Variants in SUMF1 observed in about 807,000 individuals in gnomAD.
SUMF1 encodes sulfatase modifying factor 1.
SUMF1 carries 48 observed loss-of-function variants against 47.6 expected under a neutral mutation model. The ratio of observed to expected loss-of-function variants is 1.01; its 90% CI spans 0.80 to 1.28. The LOEUF (loss-of-function observed/expected upper bound fraction) is 1.28, where lower values mean the gene tolerates loss of function less well. Among genes scored for constraint, SUMF1 ranks in the 50% most tolerant of loss-of-function variants. SUMF1 has a pLI of 0.00. For missense variants in SUMF1, 571 were observed against 485.4 expected, an observed-to-expected ratio of 1.18 and a Z score of -1.66; for synonymous variants, 230 against 192.1, an observed-to-expected ratio of 1.20 and a Z score of -1.63.
At chr3:4,247,089 A>C (rs1696687650) in intron 8 of SUMF1, among the ~76,000 whole-genome samples, 1 of 152,140 alleles carries the variant, frequency 6.6e-6, no homozygotes. Context: ...GATTCTCTGG[A>C]AATATTAAAA....
At chr3:4,240,523 T>C (rs1696513118) in intron 8 of SUMF1, among the ~76,000 whole-genome samples, 1 of 152,038 alleles carries the variant, frequency 6.6e-6, no homozygotes, top group East Asian at 1.9e-4. Context: ...TTTTAGATGA[T>C]TTTTTAAAAT....
Position 4,316,646 on chromosome 3 carries a change from C to T in SUMF1, c.1014+59684G>A, listed in dbSNP as rs568390003. 9.5e-5 allele frequency: 147 copies of T among 1,551,250 alleles called. 1 individual carries two copies. The Middle Eastern group carries it at 1.3e-3, about 14-fold the overall frequency. On this transcript the variant is annotated intron_variant and NMD_transcript_variant, in intron 8 of 12. Transcript: ENST00000448413. ...CTTCTCTTATTCTACGCAACCACAA[C>T]GAACCATTTCTCGATCGGATTGTGA...
intron 8 of SUMF1, among the ~76,000 whole-genome samples, chr3:4,345,973 G>C (rs898319246): frequency 2.0e-5 from 3 of 152,168 alleles, no homozygotes; most frequent in Non-Finnish European, 4.4e-5. Flanking sequence ...AACAAGAAGA[G>C]CTAACTATCC....
chr3:4,371,189 GC>G (rs1437062213), intron 8 of SUMF1, among the ~76,000 whole-genome samples: 1 of 151,996 alleles, frequency 6.6e-6, no homozygotes, highest in African/African-American at 2.4e-5. Flanking sequence ...TTTATTTTTA[GC>G]AGCAAAAGTG....
chr3:4,144,049 G>A (rs1220208626), intron 8 of SUMF1, among the ~76,000 whole-genome samples: 1 of 147,576 alleles, frequency 6.8e-6, no homozygotes, highest in Non-Finnish European at 1.5e-5. Flanking sequence ...GGAGTGTAGT[G>A]GCCCGATCTC....
chr3:4,463,786 A>T (rs2079871696), intron 1 of SUMF1, among the ~76,000 whole-genome samples: 1 of 152,196 alleles, frequency 6.6e-6, no homozygotes, highest in South Asian at 2.1e-4. Flanking sequence ...CTTTCAAATA[A>T]CTCTTCTAAA....
rs565115044 is a variant in SUMF1, at chr3:4,292,151, T to C, written c.1014+84179A>G. Among the ~76,000 whole-genome samples, 3 of 152,366 alleles carry C rather than the reference T, an allele frequency of 2.0e-5. No homozygotes were observed. The East Asian group carries it at 5.8e-4, about 29-fold the overall frequency. ...TAAAATTTTCCTTATTTATCAATTATTAATTAGCACAGTTTTTTAATGCAG... is the reference window on the plus strand; with the variant it reads ...TAAAATTTTCCTTATTTATCAATTACTAATTAGCACAGTTTTTTAATGCAG... On this transcript the variant is annotated intron_variant and NMD_transcript_variant, in intron 8 of 12. Coordinates refer to the SUMF1 transcript ENST00000448413.
intron 8 of SUMF1, among the ~76,000 whole-genome samples, chr3:4,249,234 C>G (rs1056411704): frequency 3.3e-5 from 5 of 152,200 alleles, no homozygotes; most frequent in African/African-American, 1.2e-4. Flanking sequence ...ACTATGCATT[C>G]TACTGAGTGC....
At chr3:4,098,820 G>C (rs1009296506) in intron 8 of SUMF1, among the ~76,000 whole-genome samples, 6 of 152,120 alleles carry the variant, frequency 3.9e-5, no homozygotes, top group African/African-American at 1.4e-4. Context: ...GAAAACCATA[G>C]AGTTAACTTA....
In SUMF1 at chr3:4,167,668, C is replaced by T. The variant is rs774452970; in HGVS notation, c.1015-98923G>A. Among the ~76,000 whole-genome samples the T allele has an allele frequency of 1.1e-3, 172 of 152,152 alleles. 2 individuals carry two copies. The highest frequency in any genetic ancestry group is 4.0e-3 in the African/African-American group (164 of 41,410). ...AAGTCCCCACTCGACCCAGGAAGTC[C>T]GGCTGGCTCTTCACCTATCAGTAGC... On this transcript the variant is annotated intron_variant and NMD_transcript_variant, in intron 8 of 12. Coordinates refer to the SUMF1 transcript ENST00000448413.
chr3:4,408,462 A>G (rs766590338), intron 7 of SUMF1, among the ~76,000 whole-genome samples: 2 of 152,026 alleles, frequency 1.3e-5, no homozygotes, highest in Non-Finnish European at 2.9e-5. Flanking sequence ...TTTAAAAAAG[A>G]AAAAAAAGAT....
At chr3:4,210,674 G>A (rs929078948) in intron 8 of SUMF1, among the ~76,000 whole-genome samples, 1 of 152,108 alleles carries the variant, frequency 6.6e-6, no homozygotes, top group African/African-American at 2.4e-5. Flanking sequence ...AGGTAAACTT[G>A]TAACATGGGC....
At chr3:4,404,917 A>G (rs558560699) in intron 7 of SUMF1, among the ~76,000 whole-genome samples, 4 of 152,296 alleles carry the variant, frequency 2.6e-5, no homozygotes, top group Admixed American at 6.5e-5. Context: ...TGGGACCATC[A>G]ATGGGTATGA....
At chr3:4,201,623 C>G (rs1183283210) in intron 8 of SUMF1, among the ~76,000 whole-genome samples, 2 of 151,526 alleles carry the variant, frequency 1.3e-5, no homozygotes, top group East Asian at 1.9e-4. Context: ...GATATTGCTT[C>G]AATACACTGA....
At chr3:4,321,393 G>C (rs1175948392) in intron 8 of SUMF1, among the ~76,000 whole-genome samples, 2 of 148,724 alleles carry the variant, frequency 1.3e-5, no homozygotes, top group African/African-American at 5.0e-5. Context: ...TGGAGAAATG[G>C]CTAATTCTGC....
At chr3:4,338,544 G>T (rs994579830) in intron 8 of SUMF1, among the ~76,000 whole-genome samples, 1 of 152,140 alleles carries the variant, frequency 6.6e-6, no homozygotes, top group South Asian at 2.1e-4. Context: ...GTGGGAAGTT[G>T]AGTCCCTGAG....
chr3:4,264,105 G>T (rs1376038848), intron 8 of SUMF1, among the ~76,000 whole-genome samples: 1 of 152,114 alleles, frequency 6.6e-6, no homozygotes, highest in East Asian at 1.9e-4. Flanking sequence ...AGAAAAGAAG[G>T]TCTAAGAATG....
intron 8 of SUMF1, among the ~76,000 whole-genome samples, chr3:4,160,977 C>G: frequency 6.6e-6 from 1 of 152,010 alleles, no homozygotes; most frequent in East Asian, 1.9e-4. Flanking sequence ...GGAAGGCTTT[C>G]CAGGTATTCA....
chr3:4,387,113 A>G (rs1242710440), intron 7 of SUMF1, among the ~76,000 whole-genome samples: 2 of 152,028 alleles, frequency 1.3e-5, no homozygotes, highest in African/African-American at 4.8e-5. Context: ...GCTTCGTAAA[A>G]TGATTAGAAA....
Sources: gnomAD v4.1 joint callset for allele counts (sites outside exome capture counted in the v4.1 genomes callset) on GRCh38, gnomAD v4.1.1 for gene constraint, MANE v1.5 for transcripts, NCBI Gene and HGNC (gene_info 2026-07-23, HGNC 2026-07-21) for gene names.